Variants in ADAM32 observed in about 807,000 individuals in gnomAD.
ADAM32 encodes disintegrin and metalloproteinase domain-containing protein 32.
In ADAM32, 89 loss-of-function variants were observed where a neutral mutation model predicts 114.9. That is an observed-to-expected ratio of 0.77 (90% confidence interval 0.65 to 0.92). ADAM32 has a LOEUF of 0.92. Ranked by LOEUF, ADAM32 falls within the 40% of genes least tolerant of loss-of-function variation. The pLI is 0.00. For missense variants in ADAM32, 870 were observed against 932.8 expected, an observed-to-expected ratio of 0.93 and a Z score of 0.88; for synonymous variants, 285 against 307.5, an observed-to-expected ratio of 0.93 and a Z score of 0.77.
chr8:39,179,656 A>G (rs1805729632), intron 10 of ADAM32, among the ~76,000 whole-genome samples: 1 of 152,144 alleles, frequency 6.6e-6, no homozygotes, highest in Admixed American at 6.5e-5. Context: ...GTAGGGCTGC[A>G]CAATCACTCA....
In ADAM32 at chr8:39,249,530, C is replaced by T. The variant is rs549072714; in HGVS notation, c.1902+3364C>T. 1.1e-3 allele frequency among the ~76,000 whole-genome samples: 165 copies of T among 152,206 alleles called. 1 individual carries two copies. The highest frequency in any genetic ancestry group is 2.1e-3 in the Non-Finnish European group (143 of 67,996). On this transcript the variant is annotated intron_variant, in intron 17 of 24. Transcript: ENST00000379907. ...GATAGAATGAGTGAGGAAGTATCCC[C>T]TCTGCTTCTGTCTTCTGAAAGAGAT...
intron 12 of ADAM32, among the ~76,000 whole-genome samples, chr8:39,218,824 T>C (rs1808758970): frequency 6.6e-6 from 1 of 152,024 alleles, no homozygotes; most frequent in Non-Finnish European, 1.5e-5. Flanking sequence ...AGTCCTGGAA[T>C]AAGGGAACCC....
intron 12 of ADAM32, among the ~76,000 whole-genome samples, chr8:39,218,611 C>A (rs1263539444): frequency 6.6e-6 from 1 of 152,034 alleles, no homozygotes; most frequent in Non-Finnish European, 1.5e-5. Context: ...TACTTTTTTT[C>A]CCATAGGCTA....
chr8:39,224,653 CTTA>C (rs772912422), intron 14 of ADAM32, among the ~76,000 whole-genome samples: 2 of 151,784 alleles, frequency 1.3e-5, no homozygotes, highest in Non-Finnish European at 2.9e-5. Flanking sequence ...AAATGAATTC[CTTA>C]TTATATATAT....
chr8:39,157,035 AT>A (rs1372143721), intron 6 of ADAM32, among the ~76,000 whole-genome samples: 1 of 152,044 alleles, frequency 6.6e-6, no homozygotes, highest in Non-Finnish European at 1.5e-5. Flanking sequence ...TTTCTCCTTC[AT>A]TTTTGAAGGA....
At chr8:39,238,890 C>A (rs4128224) in intron 16 of ADAM32, among the ~76,000 whole-genome samples, 117,182 of 151,748 alleles carry the variant, frequency 0.77, 46,168 homozygotes, top group African/African-American at 0.94. Flanking sequence ...AAAAATAAAA[C>A]AATGAACAAA....
At chr8:39,133,613 A>G (rs1802595849) in intron 2 of ADAM32, among the ~76,000 whole-genome samples, 1 of 152,116 alleles carries the variant, frequency 6.6e-6, no homozygotes, top group East Asian at 1.9e-4. Context: ...GAACACCATT[A>G]CGGGTGGCAG....
At chr8:39,270,025 C>T (rs1370616863) in intron 19 of ADAM32, among the ~76,000 whole-genome samples, 2 of 143,166 alleles carry the variant, frequency 1.4e-5, no homozygotes, top group African/African-American at 5.0e-5. Context: ...CTCATGAGAA[C>T]TCATTCACTA....
chr8:39,262,386 A>G (rs749436795), intron 19 of ADAM32, among the ~76,000 whole-genome samples: 3 of 152,070 alleles, frequency 2.0e-5, no homozygotes, highest in Non-Finnish European at 2.9e-5. Flanking sequence ...TGTGTACTCT[A>G]TTCTGTTCCA....
intron 2 of ADAM32, among the ~76,000 whole-genome samples, chr8:39,128,150 G>A (rs945334751): frequency 2.0e-5 from 3 of 152,166 alleles, no homozygotes; most frequent in Admixed American, 1.3e-4. Context: ...TTTTGTGGGA[G>A]TCTAAGGCTC....
intron 1 of ADAM32, among the ~76,000 whole-genome samples, chr8:39,112,812 G>T (rs1840221148): frequency 6.6e-6 from 1 of 152,202 alleles, no homozygotes. Context: ...TATCTATAGA[G>T]ATGTGGGCAT....
At chr8:39,228,613 C>A (rs1237209028) in intron 14 of ADAM32, among the ~76,000 whole-genome samples, 1 of 152,046 alleles carries the variant, frequency 6.6e-6, no homozygotes, top group Non-Finnish European at 1.5e-5. Flanking sequence ...TTTGAAATAA[C>A]CTAATCCAAC....
chr8:39,232,263 C>G lies in ADAM32; in HGVS notation c.1634+128C>G, dbSNP rs911808138. 20 of 628,652 alleles carry G rather than the reference C, an allele frequency of 3.2e-5. No individual in the cohort carries two copies. In the African/African-American group the frequency reaches 3.4e-4, roughly 11 times the overall value. 38.9% of individuals were successfully genotyped at this position (628,652 alleles called of 1,614,324 possible). ...ATGTGCATAGGAGTGAACCTCAAAT[C>G]AAAATCCCCAGCCCTGACACCTCTT... On this transcript the variant is annotated intron_variant, in intron 15 of 24. Transcript: ENST00000379907.
intron 14 of ADAM32, among the ~76,000 whole-genome samples, chr8:39,231,337 A>G (rs975894226): frequency 6.7e-6 from 1 of 150,150 alleles, no homozygotes; most frequent in African/African-American, 2.5e-5. Flanking sequence ...TAAAGCTACA[A>G]CTGCAAAAAA....
chr8:39,137,366 A>G (rs1184897144), intron 3 of ADAM32, among the ~76,000 whole-genome samples: 1 of 152,178 alleles, frequency 6.6e-6, no homozygotes, highest in Non-Finnish European at 1.5e-5. Flanking sequence ...TTTTTCAAAA[A>G]CATCCCTCAG....
At chr8:39,203,743 T>C (rs1807606360) in intron 11 of ADAM32, among the ~76,000 whole-genome samples, 1 of 152,224 alleles carries the variant, frequency 6.6e-6, no homozygotes, top group Admixed American at 6.5e-5. Context: ...TCTTTACAAT[T>C]TGTCATGTTT....
At chr8:39,240,161 T>G (rs1469834488) in intron 16 of ADAM32, among the ~76,000 whole-genome samples, 1 of 152,214 alleles carries the variant, frequency 6.6e-6, no homozygotes, top group African/African-American at 2.4e-5. Flanking sequence ...ATTCCAAGAC[T>G]GATCATATGA....
chr8:39,154,040 A>ATATATATATATG (rs1206112851), intron 6 of ADAM32, among the ~76,000 whole-genome samples: 1 of 148,720 alleles, frequency 6.7e-6, no homozygotes, highest in Non-Finnish European at 1.5e-5. Flanking sequence ...CCTCATATAT[A>ATATATATATATG]TATATATATG....
intron 11 of ADAM32, among the ~76,000 whole-genome samples, chr8:39,191,344 G>A (rs368169738): frequency 4.6e-5 from 7 of 152,222 alleles, no homozygotes; most frequent in African/African-American, 1.7e-4. Context: ...TTCTACAATG[G>A]TTGAACTAAT....
Sources: allele counts gnomAD v4.1 joint callset (sites outside exome capture counted in the v4.1 genomes callset), GRCh38; gene constraint gnomAD v4.1.1; transcripts MANE v1.5; gene names NCBI Gene and HGNC (gene_info 2026-07-23, HGNC 2026-07-21).